The following MDGA2 variants were observed in gnomAD, a reference collection of about 807,000 sequenced individuals.
MDGA2 encodes MAM domain-containing glycosylphosphatidylinositol anchor protein 2.
Under a neutral mutation model 117.8 loss-of-function variants are expected in MDGA2, and 40 were observed. The observed-to-expected ratio is 0.34, with a 90% confidence interval of 0.26 to 0.44. The LOEUF (loss-of-function observed/expected upper bound fraction) is 0.44, where lower values mean the gene tolerates loss of function less well. Ranked by LOEUF, MDGA2 falls within the 20% of genes least tolerant of loss-of-function variation. The probability of loss-of-function intolerance (pLI) is 1.00; values close to 1 mark genes in which losing one functional copy is unlikely to be tolerated. For missense variants in MDGA2, 1,123 were observed against 1,250.6 expected (o/e 0.90, Z 1.54); for synonymous variants, 452 against 439.0 (o/e 1.03, Z -0.37).
At chr14:46,951,596 G>A (rs1885371692) in intron 9 of MDGA2, among the ~76,000 whole-genome samples, 1 of 151,968 alleles carries the variant, frequency 6.6e-6, no homozygotes, top group Non-Finnish European at 1.5e-5. Flanking sequence ...AGGACCTGCA[G>A]GCATATTCTA....
intron 1 of MDGA2, among the ~76,000 whole-genome samples, chr14:47,403,618 TAACAG>T (rs1418912615): frequency 2.6e-5 from 4 of 152,142 alleles, no homozygotes; most frequent in Non-Finnish European, 5.9e-5. Flanking sequence ...CTTAGTTTGC[TAACAG>T]TTCTTCCTGC....
At chr14:47,069,345 G>A (rs1258319108) in intron 6 of MDGA2, among the ~76,000 whole-genome samples, 2 of 151,834 alleles carry the variant, frequency 1.3e-5, no homozygotes, top group African/African-American at 4.8e-5. Context: ...CTTTTATACT[G>A]GCCTCTATAA....
intron 3 of MDGA2, among the ~76,000 whole-genome samples, chr14:47,187,736 A>G (rs1291660329): frequency 6.6e-6 from 1 of 152,132 alleles, no homozygotes; most frequent in African/African-American, 2.4e-5. Context: ...ACACATAAAG[A>G]TACCATTAAA....
chr14:47,668,632 G>A (rs565837014), intron 1 of MDGA2, among the ~76,000 whole-genome samples: 17 of 152,304 alleles, frequency 1.1e-4, no homozygotes, highest in African/African-American at 3.1e-4. Flanking sequence ...CTCAGTCACT[G>A]AAGCAAAGAA....
intron 1 of MDGA2, among the ~76,000 whole-genome samples, chr14:47,564,767 G>A (rs981035670): frequency 2.0e-5 from 3 of 152,122 alleles, no homozygotes; most frequent in African/African-American, 7.2e-5. Flanking sequence ...CACAGATTTG[G>A]TCTCTTTACA....
intron 8 of MDGA2, among the ~76,000 whole-genome samples, chr14:47,003,346 T>G (rs1396847427): frequency 6.7e-6 from 1 of 149,518 alleles, no homozygotes; most frequent in Non-Finnish European, 1.5e-5. Context: ...AATAAGTGAA[T>G]GTTTAATTCC....
chr14:47,069,501 A>G (rs1360855070), intron 6 of MDGA2, among the ~76,000 whole-genome samples: 2 of 152,180 alleles, frequency 1.3e-5, no homozygotes, highest in African/African-American at 4.8e-5. Context: ...CAGTTCTAAC[A>G]TTCGAAAATA....
chr14:47,219,735 A>T (rs1886230069), intron 2 of MDGA2, among the ~76,000 whole-genome samples: 1 of 152,074 alleles, frequency 6.6e-6, no homozygotes, highest in Non-Finnish European at 1.5e-5. Flanking sequence ...AGTCATTAGA[A>T]AAAATAAAAT....
At chr14:47,207,761 T>G (rs1885739881) in intron 3 of MDGA2, among the ~76,000 whole-genome samples, 1 of 152,006 alleles carries the variant, frequency 6.6e-6, no homozygotes, top group African/African-American at 2.4e-5. Context: ...GATTTTTATA[T>G]TCTAAGCCTG....
intron 3 of MDGA2, among the ~76,000 whole-genome samples, chr14:47,199,402 A>C (rs546362384): frequency 6.6e-6 from 1 of 152,314 alleles, no homozygotes; most frequent in Non-Finnish European, 1.5e-5. Context: ...CTGAAAGAAT[A>C]ATAAAATTAG....
At chr14:47,619,721 G>T (rs537571968) in intron 1 of MDGA2, among the ~76,000 whole-genome samples, 26 of 152,324 alleles carry the variant, frequency 1.7e-4, no homozygotes, top group African/African-American at 5.8e-4. Context: ...TGGTACTGAC[G>T]TTTTAAAAGG....
chr14:47,102,288 A>AC (rs1021214071), intron 5 of MDGA2, among the ~76,000 whole-genome samples: 10 of 110,640 alleles, frequency 9.0e-5, no homozygotes, highest in Admixed American at 5.4e-4. Flanking sequence ...TAAGCTCAAG[A>AC]CTTTTTTTTT....
chr14:47,133,131 A>G (rs893560850), intron 4 of MDGA2, among the ~76,000 whole-genome samples: 4 of 150,424 alleles, frequency 2.7e-5, no homozygotes, highest in Non-Finnish European at 4.5e-5. Context: ...ACAAACAAAC[A>G]AAAAAAAACT....
At chr14:47,350,019 G>A (rs771539528) in intron 1 of MDGA2, among the ~76,000 whole-genome samples, 13 of 152,208 alleles carry the variant, frequency 8.5e-5, no homozygotes, top group Admixed American at 1.3e-4. Flanking sequence ...ATAGGACGGG[G>A]ACCTTATAAC....
At chr14:47,619,053 A>G in intron 1 of MDGA2, among the ~76,000 whole-genome samples, 1 of 151,562 alleles carries the variant, frequency 6.6e-6, no homozygotes, top group Non-Finnish European at 1.5e-5. Flanking sequence ...CTGAAGTACA[A>G]ATCTCTAGGT....
intron 6 of MDGA2, among the ~76,000 whole-genome samples, chr14:47,074,118 TAATTA>T (rs1395820023): frequency 2.8e-5 from 4 of 142,012 alleles, no homozygotes; most frequent in Non-Finnish European, 4.5e-5. Context: ...TTAATTAATT[TAATTA>T]ATCATTAATT....
At chr14:47,028,766 A>G (rs575907481) in intron 8 of MDGA2, among the ~76,000 whole-genome samples, 1 of 152,166 alleles carries the variant, frequency 6.6e-6, no homozygotes, top group East Asian at 1.9e-4. Context: ...GATGGACTGA[A>G]TTATTACAGA....
At chr14:46,896,445 T>A (rs1390232361) in intron 10 of MDGA2, among the ~76,000 whole-genome samples, 1 of 152,118 alleles carries the variant, frequency 6.6e-6, no homozygotes, top group African/African-American at 2.4e-5. Flanking sequence ...CAACATTAAT[T>A]GATACATTTA....
chr14:47,119,052 CTTTT>C (rs371151507), intron 5 of MDGA2, among the ~76,000 whole-genome samples: 6 of 124,372 alleles, frequency 4.8e-5, no homozygotes, highest in Admixed American at 1.7e-4. Context: ...TACATATTCT[CTTTT>C]TTTTTTTTTT....
Sources: allele counts gnomAD v4.1 joint callset (sites outside exome capture counted in the v4.1 genomes callset), GRCh38; gene constraint gnomAD v4.1.1; transcripts MANE v1.5; gene names NCBI Gene and HGNC (gene_info 2026-07-23, HGNC 2026-07-21).